Variants in TSHZ3 observed in about 807,000 individuals in gnomAD.
The protein encoded by TSHZ3 is teashirt homolog 3.
TSHZ3 carries 10 observed loss-of-function variants against 64.5 expected under a neutral mutation model. The ratio of observed to expected loss-of-function variants is 0.16; its 90% CI spans 0.10 to 0.26. The LOEUF (loss-of-function observed/expected upper bound fraction) is 0.26, where lower values mean the gene tolerates loss of function less well. Ranked by LOEUF, TSHZ3 falls within the 10% of genes least tolerant of loss-of-function variation. The pLI, the probability that TSHZ3 is intolerant of heterozygous loss-of-function variation, is 1.00. For missense variants in TSHZ3, 1,242 were observed against 1,421.7 expected (o/e 0.87, Z 2.03); for synonymous variants, 608 against 593.1 (o/e 1.03, Z -0.36).
chr19:31,157,723 G>A (rs538517116), intron 5 of TSHZ3, among the ~76,000 whole-genome samples: 5 of 152,306 alleles, frequency 3.3e-5, no homozygotes, highest in East Asian at 3.9e-4. Flanking sequence ...GATTCTAATC[G>A]CCTATGGGAG....
chr19:31,163,579 A>C (rs1974399504), intron 5 of TSHZ3, among the ~76,000 whole-genome samples: 1 of 152,124 alleles, frequency 6.6e-6, no homozygotes, highest in African/African-American at 2.4e-5. Flanking sequence ...AAAAACACAA[A>C]AACTATCCAG....
rs896401225 is a variant in TSHZ3, at chr19:31,315,798, G to A, written c.40+33382C>T. On this transcript the variant is annotated intron_variant, in intron 1 of 1. Transcript: ENST00000240587. Reference sequence around the variant, plus strand: ...TCTTGAATGATTTATAATCCATCACGCAAGGCTTCAACCATATCCAATTAT... The same window carrying A: ...TCTTGAATGATTTATAATCCATCACACAAGGCTTCAACCATATCCAATTAT... Among the ~76,000 whole-genome samples the A allele has an allele frequency of 1.1e-4, 17 of 152,190 alleles. 1 individual carries two copies. Among genetic ancestry groups the A allele is most frequent in the South Asian group, 2.1e-4 (1 of 4,818 alleles).
At chr19:31,272,837 C>T (rs1054874448), downstream of TSHZ3, among the ~76,000 whole-genome samples, 8 of 152,124 alleles carry the variant, frequency 5.3e-5, no homozygotes, top group Non-Finnish European at 8.8e-5. Flanking sequence ...GGGGCTTGGG[C>T]GGGGTGAGGT....
At chr19:31,296,638 T>C (rs1056669942) in intron 1 of TSHZ3, among the ~76,000 whole-genome samples, 4 of 152,142 alleles carry the variant, frequency 2.6e-5, no homozygotes, top group African/African-American at 9.7e-5. Context: ...GCCCAGTTAG[T>C]ACTGTGTCAT....
intron 1 of TSHZ3, among the ~76,000 whole-genome samples, chr19:31,255,302 CAG>C (rs1975895422): frequency 6.6e-6 from 1 of 152,082 alleles, no homozygotes; most frequent in African/African-American, 2.4e-5. Flanking sequence ...CAGGGGGACA[CAG>C]TAAGCTGCTC....
Position 31,163,445 on chromosome 19 carries a change from A to G in TSHZ3, n.810-7028T>C, listed in dbSNP as rs374967209. On this transcript the variant is annotated intron_variant and non_coding_transcript_variant, in intron 5 of 6. Transcript: ENST00000651361. The stretch of plus-strand genomic sequence containing the variant: ...TGGTAAGATGCTTTAAAAGATGACT[A>G]TGGTGGCTGGGCACAGTGGCTCAGG... Among the ~76,000 whole-genome samples the G allele has an allele frequency of 2.4e-3, 358 of 152,266 alleles. 1 individual carries two copies. Among genetic ancestry groups the G allele is most frequent in the African/African-American group, 8.0e-3 (333 of 41,552 alleles).
At chr19:31,287,290 A>G (rs185430685) in intron 1 of TSHZ3, among the ~76,000 whole-genome samples, 1 of 152,072 alleles carries the variant, frequency 6.6e-6, no homozygotes, top group East Asian at 1.9e-4. Flanking sequence ...TGAAGTTATA[A>G]CCCTCCGTTT....
rs140764562 is a variant in TSHZ3 at position 31,246,272 on chromosome 19, T to C, written n.64-3397A>G. On this transcript the variant is annotated intron_variant and non_coding_transcript_variant, in intron 1 of 6. Transcript: ENST00000651361. ...TCTGGAAAGATTCATACCAAATTGA[T>C]CATATTGATTAGACCTGAAGGTATG... is the stretch of plus-strand genomic sequence containing the variant. 3.5e-3 allele frequency among the ~76,000 whole-genome samples: 527 copies of C among 152,336 alleles called. 3 individuals carry two copies. The highest frequency in any genetic ancestry group is 0.011 in the African/African-American group (475 of 41,568).
At position 31,277,888 on chromosome 19, in the gene TSHZ3, A is replaced by C. The variant is rs1293227007; in HGVS notation, c.1905T>G (p.Leu635=). The C allele has an allele frequency of 6.2e-7, 1 of 1,612,170 alleles. No homozygotes were observed. Among genetic ancestry groups the C allele is most frequent in the Admixed American group, 1.7e-5 (1 of 59,782 alleles). ...EEKMKEPDGK[L]SPPKRATPSP... ...AGGGAGTGGCCCGCTTGGGCGGGGA[A>C]AGCTTCCCATCCGGCTCCTTCATCT... Residue 635 remains leucine (L), a synonymous_variant, in exon 2 of 2, where the codon CTT becomes CTG. Transcript: ENST00000240587. The surrounding 1 kb of genome is among the most constrained non-coding windows in gnomAD (Gnocchi z 4.5).
rs771590645 is a variant in TSHZ3 at position 31,276,760 on chromosome 19, G to A, written c.3033C>T (p.Thr1011=). The change falls in exon 2 of 2, where the codon ACC becomes ACT. Residue 1011 remains threonine, a synonymous_variant. Transcript: ENST00000240587. The stretch of plus-strand genomic sequence containing the variant: ...GTGCTATCTGACTGTTAATCTGTTC[G>A]GTGGACAGTTTGGATAAGTCCCGTA... ...FRLRDLSKLS[T]EQINSQIAQT... is the part of the protein sequence containing the mutation. 1.4e-5 allele frequency: 22 copies of A among 1,613,632 alleles called. No individual in the cohort carries two copies. In the South Asian group the frequency reaches 1.4e-4, roughly 10 times the overall value.
intron 1 of TSHZ3, among the ~76,000 whole-genome samples, chr19:31,342,935 G>C (rs758465207): frequency 3.3e-5 from 5 of 152,208 alleles, no homozygotes; most frequent in Admixed American, 1.3e-4. Flanking sequence ...GATCTCACCT[G>C]GATTCACAGT....
At position 31,276,864 on chromosome 19, in the gene TSHZ3, A is replaced by G. The variant is rs760692810; in HGVS notation, c.2929T>C (p.Phe977Leu). Residue 977 changes from phenylalanine (F) to leucine (L), a missense_variant, in exon 2 of 2, where the codon TTT (phenylalanine) becomes CTT (leucine). Coordinates refer to ENST00000240587, the MANE Select transcript of TSHZ3 (RefSeq NM_020856.4). ...ATTTGGGACGCACAATCGTTACAAA[A>G]GAAGACGGGGTGGCCAGTGTCCAAG... ...KNLDTGHPVF[F>L]CNDCASQIRT... The G allele has an allele frequency of 6.2e-7, 1 of 1,614,242 alleles. No homozygotes were observed. The highest frequency in any genetic ancestry group is 1.7e-5 in the Admixed American group (1 of 60,030).
chr19:31,258,443 C>G (rs903935), intron 1 of TSHZ3, among the ~76,000 whole-genome samples: 2 of 152,008 alleles, frequency 1.3e-5, no homozygotes, highest in African/African-American at 2.4e-5. Context: ...GTCCTCAACC[C>G]GGGAAATCGC....
chr19:31,291,036 T>C (rs972936504), intron 1 of TSHZ3, among the ~76,000 whole-genome samples: 6 of 152,238 alleles, frequency 3.9e-5, no homozygotes, highest in African/African-American at 1.2e-4. Context: ...AGCTGATTGG[T>C]GAATAAAGTC....
rs1181830129 is a variant in TSHZ3 at position 31,198,862 on chromosome 19, C to G, written n.809+6094G>C. On this transcript the variant is annotated intron_variant and non_coding_transcript_variant, in intron 5 of 6. Coordinates refer to the TSHZ3 transcript ENST00000651361. ...AGATTTCACCTATTCCCAACTTGAT[C>G]TATAGACTCAGCACAATCCTAATCA... 2.0e-5 allele frequency among the ~76,000 whole-genome samples: 3 copies of G among 152,152 alleles called. No homozygotes were observed. The East Asian group carries it at 5.8e-4, about 29-fold the overall frequency.
intron 5 of TSHZ3, among the ~76,000 whole-genome samples, chr19:31,157,998 T>G (rs1358059369): frequency 6.6e-6 from 1 of 152,226 alleles, no homozygotes; most frequent in Non-Finnish European, 1.5e-5. Flanking sequence ...AACTCTGACC[T>G]GAGGGCTAAA....
intron 4 of TSHZ3, among the ~76,000 whole-genome samples, chr19:31,215,012 A>C (rs574194811): frequency 6.6e-6 from 1 of 152,206 alleles, no homozygotes; most frequent in African/African-American, 2.4e-5. Context: ...ATTAAAATAA[A>C]ATTTTTAAAA....
intron 1 of TSHZ3, among the ~76,000 whole-genome samples, chr19:31,289,102 A>G (rs542047256): frequency 2.2e-4 from 33 of 152,254 alleles, no homozygotes; most frequent in Admixed American, 3.9e-4. Context: ...TCTAAGTTAA[A>G]GAAACTCTGC....
chr19:31,208,107 A>G (rs1568348296), intron 4 of TSHZ3, among the ~76,000 whole-genome samples: 1 of 152,238 alleles, frequency 6.6e-6, no homozygotes, highest in African/African-American at 2.4e-5. Context: ...TTCAGTAGAT[A>G]AATGAATGAA....
Sources: allele counts gnomAD v4.1 joint callset (sites outside exome capture counted in the v4.1 genomes callset), GRCh38; gene constraint gnomAD v4.1.1; non-coding constraint Gnocchi (gnomAD v3.1); transcripts MANE v1.5; gene names NCBI Gene and HGNC (gene_info 2026-07-23, HGNC 2026-07-21).